Variants in PDZD8 observed in about 807,000 individuals in gnomAD.
The protein encoded by PDZD8 is PDZ domain containing 8.
PDZD8 carries 14 observed loss-of-function variants against 85.8 expected under a neutral mutation model. That is an observed-to-expected ratio of 0.16 (90% CI 0.11 to 0.26). The LOEUF (loss-of-function observed/expected upper bound fraction) is 0.26, where lower values mean the gene tolerates loss of function less well. PDZD8 is among the 10% of genes least tolerant of loss of function. The pLI is 1.00. For synonymous variants in PDZD8, 592 were observed against 568.6 expected (o/e 1.04, Z -0.59); for missense variants, 1,197 against 1,424.3 (o/e 0.84, Z 2.57).
chr10:117,370,918 TTGTGTGTGTGTG>T (rs71475194), intron 1 of PDZD8, among the ~76,000 whole-genome samples: 3 of 146,448 alleles, frequency 2.0e-5, no homozygotes, highest in African/African-American at 7.6e-5. Context: ...ACAACATAGT[TTGTGTGTGTGTG>T]TGTGTGTGTG....
chr10:117,334,585 T>A (rs1000844140), intron 2 of PDZD8, among the ~76,000 whole-genome samples: 53 of 151,166 alleles, frequency 3.5e-4, no homozygotes, highest in African/African-American at 1.2e-3. Flanking sequence ...AATGCAGCCA[T>A]TATATATATA....
chr10:117,335,159 TG>T (rs914732002), intron 2 of PDZD8, among the ~76,000 whole-genome samples: 1 of 152,076 alleles, frequency 6.6e-6, no homozygotes, highest in Non-Finnish European at 1.5e-5. Context: ...ATGTTACATA[TG>T]GGGGAAGAAT....
At position 117,375,230 on chromosome 10, in the gene PDZD8, C is replaced by A. The variant is rs751223481; in HGVS notation, c.-3G>T. On this transcript the variant is annotated 5_prime_UTR_variant, in exon 1 of 5. Coordinates refer to ENST00000334464, the MANE Select transcript of PDZD8 (RefSeq NM_173791.5). Reference sequence around the variant, plus strand: ...AGGATCATGAGCAGCAGCCCCATCCCGCCACCGCCTCCGCCCGGGCCCCTA... The same window carrying A: ...AGGATCATGAGCAGCAGCCCCATCCAGCCACCGCCTCCGCCCGGGCCCCTA... The A allele has an allele frequency of 6.8e-7, 1 of 1,477,424 alleles. No homozygotes were observed. Among genetic ancestry groups the A allele is most frequent in the South Asian group, 1.3e-5 (1 of 77,014 alleles). 91.5% of individuals were successfully genotyped at this position (1,477,424 alleles called of 1,614,324 possible). A position where few individuals can be genotyped will look rare whatever the true frequency, so the allele number is the denominator to read the frequency against.
rs1844612542 is a variant in PDZD8, at chr10:117,283,929, G to T, written c.2804C>A (p.Thr935Lys). 1 of 1,614,040 alleles carries T rather than the reference G, an allele frequency of 6.2e-7. No homozygotes were observed. The highest frequency in any genetic ancestry group is 1.3e-5 in the African/African-American group (1 of 74,920). ...AGAACTAGTATTGATAATATGCCTT[G>T]TCAAACCTGTTGTTTTATTGACTGA... The part of the protein sequence containing the change: ...SKSVNKTTGL[T>K]RHIINTSSRL... The change falls in exon 5 of 5, where the codon ACA (threonine) becomes AAA (lysine). Residue 935 changes from threonine to lysine, a missense_variant. Thr to Lys is a moderately conservative substitution (Grantham distance 78). This residue lies in a region of PDZD8 where 418 missense variants were observed against 571.1 expected (regional missense o/e 0.73). Coordinates refer to ENST00000334464, the MANE Select transcript of PDZD8 (RefSeq NM_173791.5).
chr10:117,363,749 T>C (rs1374413679), intron 1 of PDZD8, among the ~76,000 whole-genome samples: 1 of 152,180 alleles, frequency 6.6e-6, no homozygotes, highest in Non-Finnish European at 1.5e-5. Context: ...TCTATCAAAG[T>C]TATGCAAATC....
rs537877604 is a variant in PDZD8 at position 117,283,211 on chromosome 10, T to C, written c.*57A>G. ...GAGGATTTAAACATGGTTGTATCTG[T>C]GGTACTTTAGATGCAACTTTACCCT... On this transcript the variant is annotated 3_prime_UTR_variant, in exon 5 of 5. Transcript: ENST00000334464. The C allele has an allele frequency of 5.1e-5, 75 of 1,478,946 alleles. No homozygotes were observed. The highest frequency in any genetic ancestry group is 1.7e-4 in the Admixed American group (8 of 46,906). 91.6% of individuals were successfully genotyped at this position (1,478,946 alleles called of 1,614,324 possible).
At chr10:117,355,121 T>C (rs1383570845) in intron 1 of PDZD8, among the ~76,000 whole-genome samples, 2 of 152,192 alleles carry the variant, frequency 1.3e-5, no homozygotes, top group Non-Finnish European at 2.9e-5. Flanking sequence ...TCAATTGATA[T>C]ATTAAAAGGA....
At position 117,288,889 on chromosome 10, in the gene PDZD8, GTTAA is replaced by G. The variant is rs950281276; in HGVS notation, c.1261+1293_1261+1296del. Reference sequence around the variant, plus strand: ...CTCTGTATACATTTATATCGCTTAGGTTAATTAATTTATTTTTGATAATAGGTAT... The same window carrying G: ...CTCTGTATACATTTATATCGCTTAGGTTAATTTATTTTTGATAATAGGTAT... On this transcript the variant is annotated intron_variant, in intron 4 of 4. Coordinates refer to ENST00000334464, the MANE Select transcript of PDZD8 (RefSeq NM_173791.5). Among the ~76,000 whole-genome samples, 12 of 152,096 alleles carry G rather than the reference GTTAA, an allele frequency of 7.9e-5. No homozygotes were observed. The South Asian group carries it at 8.3e-4, about 11-fold the overall frequency.
chr10:117,346,426 C>G (rs1844710481), intron 1 of PDZD8, among the ~76,000 whole-genome samples: 1 of 152,004 alleles, frequency 6.6e-6, no homozygotes, highest in African/African-American at 2.4e-5. Flanking sequence ...AAGAATGGTT[C>G]AAGCCATGAT....
At chr10:117,361,040 G>A (rs887203559) in intron 1 of PDZD8, among the ~76,000 whole-genome samples, 1 of 152,156 alleles carries the variant, frequency 6.6e-6, no homozygotes, top group African/African-American at 2.4e-5. Context: ...TTAGCTGTGA[G>A]GGTGATGATG....
rs1373905638 is a variant in PDZD8, at chr10:117,306,099, C to A, written c.1098+12773G>T. Among the ~76,000 whole-genome samples the A allele has an allele frequency of 2.6e-5, 4 of 152,124 alleles. 1 individual carries two copies. The highest frequency in any genetic ancestry group is 2.0e-4 in the Admixed American group (3 of 15,276). ...TCTTTCTGGATGAAAATACAAGTGA[C>A]CCCCCTCAATCTTCAAAATAGAATG... On this transcript the variant is annotated intron_variant, in intron 3 of 4. Coordinates refer to ENST00000334464, the MANE Select transcript of PDZD8 (RefSeq NM_173791.5).
Position 117,341,006 on chromosome 10 carries a change from A to G in PDZD8, c.969T>C (p.Leu323=), listed in dbSNP as rs1844602661. The G allele has an allele frequency of 6.2e-7, 1 of 1,614,104 alleles. No individual in the cohort carries two copies. Among genetic ancestry groups the G allele is most frequent in the African/African-American group, 1.3e-5 (1 of 75,052 alleles). Residue 323 remains leucine (L), a synonymous_variant, in exon 2 of 5, where the codon CTT becomes CTC. Transcript: ENST00000334464. ...IQQWALTEGR[L]KVTLLECSRL... ...TGCTACATTCTAACAACGTAACTTT[A>G]AGACGGCCTTCAGTAAGTGCCCATT...
chr10:117,358,284 T>C (rs1454593881), intron 1 of PDZD8, among the ~76,000 whole-genome samples: 2 of 152,158 alleles, frequency 1.3e-5, no homozygotes, highest in Admixed American at 6.5e-5. Context: ...GGTTTTACTG[T>C]GGGGATTCAA....
At position 117,375,310 on chromosome 10, in the gene PDZD8, T is replaced by C. The variant is rs1387103169; in HGVS notation, c.-83A>G. On this transcript the variant is annotated 5_prime_UTR_variant, in exon 1 of 5. Transcript: ENST00000334464. ...CGCCGCCGCCCCCGCTGCCTCCATT[T>C]TGAGGACATCGGGCGGCTGGGTCGG... is the stretch of plus-strand genomic sequence containing the variant. 1.6e-6 allele frequency: 2 copies of C among 1,289,164 alleles called. No individual in the cohort carries two copies. Among genetic ancestry groups the C allele is most frequent in the East Asian group, 2.8e-5 (1 of 35,770 alleles). 79.9% of individuals were successfully genotyped at this position (1,289,164 alleles called of 1,614,324 possible).
At chr10:117,333,355 CAACT>C (rs1844462786) in intron 2 of PDZD8, among the ~76,000 whole-genome samples, 1 of 151,984 alleles carries the variant, frequency 6.6e-6, no homozygotes, top group South Asian at 2.1e-4. Flanking sequence ...ATAATAAGTA[CAACT>C]AATAATACAA....
Position 117,285,433 on chromosome 10 carries a change from T to C in PDZD8, c.1300A>G (p.Ile434Val). ...AGGACTCGGTCACCAGCCTGCTTGATAAGCTTCAACACTTGCAGTGTTGAT... is the reference window on the plus strand; with the variant it reads ...AGGACTCGGTCACCAGCCTGCTTGACAAGCTTCAACACTTGCAGTGTTGAT... ...ITSTLQVLKLIKQAGDRVLVY... is the reference protein window; with the variant it reads ...ITSTLQVLKLVKQAGDRVLVY... Residue 434 changes from isoleucine to valine, a missense_variant, in exon 5 of 5, where the codon ATC becomes GTC. Ile to Val is a conservative substitution (Grantham distance 29, BLOSUM62 3). This residue lies in a region of PDZD8 where 344 missense variants were observed against 453.6 expected (regional missense o/e 0.76). Coordinates refer to ENST00000334464, the MANE Select transcript of PDZD8 (RefSeq NM_173791.5). The C allele has an allele frequency of 6.2e-7, 1 of 1,612,130 alleles. No homozygotes were observed. Among genetic ancestry groups the C allele is most frequent in the Non-Finnish European group, 8.5e-7 (1 of 1,178,342 alleles).
At chr10:117,317,640 C>A (rs550147172) in intron 3 of PDZD8, among the ~76,000 whole-genome samples, 1 of 152,028 alleles carries the variant, frequency 6.6e-6, no homozygotes, top group African/African-American at 2.4e-5. Context: ...TCAAAGTAAA[C>A]GCAAAAATTT....
Position 117,283,144 on chromosome 10 carries a change from T to G in PDZD8, c.*124A>C. On this transcript the variant is annotated 3_prime_UTR_variant, in exon 5 of 5. Transcript: ENST00000334464. ...AAAACAACCTTTCTCATTTTTGTTC[T>G]TACACAAGCAAGTAACTGGAGAAGC... 1.0e-6 allele frequency: 1 copy of G among 971,734 alleles called. No homozygotes were observed. The highest frequency in any genetic ancestry group is 1.5e-6 in the Non-Finnish European group (1 of 675,760). 60.2% of individuals were successfully genotyped at this position (971,734 alleles called of 1,614,324 possible). A position where few individuals can be genotyped will look rare whatever the true frequency, so the allele number is the denominator to read the frequency against.
chr10:117,362,670 G>A (rs548076906), intron 1 of PDZD8, among the ~76,000 whole-genome samples: 47 of 151,974 alleles, frequency 3.1e-4, no homozygotes, highest in Non-Finnish European at 6.6e-4. Context: ...TTTTGAGTAA[G>A]CAACTTACTC....
Sources: gnomAD v4.1 joint callset for allele counts (sites outside exome capture counted in the v4.1 genomes callset) on GRCh38, gnomAD v4.1.1 for gene constraint, gnomAD v4.1.1 regional missense constraint, MANE v1.5 for transcripts, NCBI Gene and HGNC (gene_info 2026-07-23, HGNC 2026-07-21) for gene names.